Variants in TMEM132B observed in about 807,000 individuals in gnomAD.
TMEM132B encodes transmembrane protein 132B.
Under a neutral mutation model 90.8 loss-of-function variants are expected in TMEM132B, and 18 were observed. The ratio of observed to expected loss-of-function variants is 0.20; its 90% CI spans 0.14 to 0.29. TMEM132B has a LOEUF of 0.29. Among genes scored for constraint, TMEM132B ranks in the 10% least tolerant of loss-of-function variants. The pLI, the probability that TMEM132B is intolerant of heterozygous loss-of-function variation, is 1.00. For missense variants in TMEM132B, 1,096 were observed against 1,326.8 expected (o/e 0.83, Z 2.70); for synonymous variants, 504 against 523.3 (o/e 0.96, Z 0.50).
chr12:125,507,060 G>A (rs1442409181), intron 3 of TMEM132B, among the ~76,000 whole-genome samples: 1 of 152,214 alleles, frequency 6.6e-6, no homozygotes, highest in Non-Finnish European at 1.5e-5. Context: ...TAATGCAGAA[G>A]CCCATAGATG....
intron 1 of TMEM132B, among the ~76,000 whole-genome samples, chr12:125,295,179 A>G: frequency 6.6e-6 from 1 of 152,254 alleles, no homozygotes; most frequent in East Asian, 1.9e-4. Flanking sequence ...AAGGAAAAAA[A>G]GCTCATTAGT....
chr12:125,234,676 C>T (rs1873893444), intron 1 of TMEM132B, among the ~76,000 whole-genome samples: 1 of 152,158 alleles, frequency 6.6e-6, no homozygotes, highest in South Asian at 2.1e-4. Flanking sequence ...CGAGAGATGT[C>T]CTCTGTTCAA....
chr12:125,408,477 T>C lies in TMEM132B; in HGVS notation c.960-7054T>C, dbSNP rs964622174. 6.6e-6 allele frequency among the ~76,000 whole-genome samples: 1 copy of C among 152,196 alleles called. No individual in the cohort carries two copies. Among genetic ancestry groups the C allele is most frequent in the African/African-American group, 2.4e-5 (1 of 41,440 alleles). On this transcript the variant is annotated intron_variant, in intron 2 of 8. Transcript: ENST00000682704. This position sits in a 1 kb window ranked among gnomAD's most constrained non-coding sequence, Gnocchi z 5.9. Reference sequence around the variant, plus strand: ...GGACACAGCATGACAGCCGCATCTATAAAAAAGCAAGCTCTCACCCGGCAC... The same window carrying C: ...GGACACAGCATGACAGCCGCATCTACAAAAAAGCAAGCTCTCACCCGGCAC...
At chr12:125,639,293 C>T (rs1886568359) in intron 5 of TMEM132B, among the ~76,000 whole-genome samples, 2 of 152,236 alleles carry the variant, frequency 1.3e-5, no homozygotes. Flanking sequence ...TGTCTTCTCT[C>T]ATAATATATG....
chr12:125,527,986 A>T (rs1044478016), intron 4 of TMEM132B, among the ~76,000 whole-genome samples: 1 of 152,212 alleles, frequency 6.6e-6, no homozygotes, highest in African/African-American at 2.4e-5. Context: ...GATGGTCAAA[A>T]GCTTCAAAAA....
intron 1 of TMEM132B, among the ~76,000 whole-genome samples, chr12:125,307,597 T>A (rs1876006212): frequency 6.6e-6 from 1 of 151,814 alleles, no homozygotes; most frequent in Non-Finnish European, 1.5e-5. Flanking sequence ...TGTGTGAAAA[T>A]GAAAACATTA....
Position 125,345,790 on chromosome 12 carries a change from C to A in TMEM132B, c.68-3662C>A, listed in dbSNP as rs75837939. Among the ~76,000 whole-genome samples, 950 of 152,290 alleles carry A rather than the reference C, an allele frequency of 6.2e-3. 3 individuals carry two copies. The highest frequency in any genetic ancestry group is 0.01 in the Non-Finnish European group (698 of 68,028). On this transcript the variant is annotated intron_variant, in intron 1 of 8. Coordinates refer to ENST00000682704, the MANE Select transcript of TMEM132B (RefSeq NM_001366854.1). ...CTCATTTCCTGCTCTCAGGGCCCACCTCGTTCTGTCCAGTGGTAAATACCT... is the reference window on the plus strand; with the variant it reads ...CTCATTTCCTGCTCTCAGGGCCCACATCGTTCTGTCCAGTGGTAAATACCT...
At chr12:125,293,776 A>G (rs1875601623) in intron 1 of TMEM132B, among the ~76,000 whole-genome samples, 1 of 152,186 alleles carries the variant, frequency 6.6e-6, no homozygotes, top group Admixed American at 6.5e-5. Flanking sequence ...AACCTGTCAC[A>G]AAGTTTTGAC....
intron 3 of TMEM132B, among the ~76,000 whole-genome samples, chr12:125,478,033 A>T (rs1881934026): frequency 6.6e-6 from 1 of 152,240 alleles, no homozygotes; most frequent in Non-Finnish European, 1.5e-5. Context: ...CCTGATTGTT[A>T]GAAGGAAAAC....
At chr12:125,538,866 G>T (rs999130749) in intron 4 of TMEM132B, among the ~76,000 whole-genome samples, 1 of 152,112 alleles carries the variant, frequency 6.6e-6, no homozygotes, top group Non-Finnish European at 1.5e-5. Context: ...GAGTTACCCC[G>T]GATGCCTCTC....
intron 1 of TMEM132B, chr12:125,327,285 C>T (rs374961): frequency 0.67 from 102,627 of 152,296 alleles, 35,350 homozygotes; most frequent in East Asian, 0.81. Flanking sequence ...AAACTAAATA[C>T]GTCCCAAGCA....
intron 5 of TMEM132B, among the ~76,000 whole-genome samples, chr12:125,604,570 A>G (rs1381019945): frequency 1.3e-5 from 2 of 152,226 alleles, no homozygotes. Flanking sequence ...CTATGTAACA[A>G]ACCTGCACGT....
intron 1 of TMEM132B, among the ~76,000 whole-genome samples, chr12:125,297,965 C>A (rs1247819841): frequency 6.6e-6 from 1 of 152,174 alleles, no homozygotes; most frequent in African/African-American, 2.4e-5. Context: ...CTAAGAAATA[C>A]CTTTAGGCTT....
chr12:125,515,377 CCT>C (rs1377907735), intron 3 of TMEM132B, among the ~76,000 whole-genome samples: 10 of 126,360 alleles, frequency 7.9e-5, no homozygotes, highest in East Asian at 3.2e-4. Flanking sequence ...TTCACTCACA[CCT>C]CTTTCACACA....
intron 3 of TMEM132B, among the ~76,000 whole-genome samples, chr12:125,425,283 C>T (rs753238179): frequency 1.3e-5 from 2 of 152,166 alleles, no homozygotes; most frequent in Non-Finnish European, 2.9e-5. Flanking sequence ...TTCAATTATA[C>T]ATTTACAAAA....
intron 5 of TMEM132B, among the ~76,000 whole-genome samples, chr12:125,603,266 C>A (rs1313788427): frequency 6.6e-6 from 1 of 152,058 alleles, no homozygotes; most frequent in Non-Finnish European, 1.5e-5. Flanking sequence ...GTCATATAGA[C>A]CAATGGAGTA....
chr12:125,568,853 G>A (rs1211344770), intron 4 of TMEM132B, among the ~76,000 whole-genome samples: 2 of 152,128 alleles, frequency 1.3e-5, no homozygotes, highest in African/African-American at 2.4e-5. Context: ...TTACTATGAC[G>A]TGGTACAATT....
chr12:125,305,719 A>G (rs1390969073), intron 1 of TMEM132B, among the ~76,000 whole-genome samples: 1 of 152,142 alleles, frequency 6.6e-6, no homozygotes, highest in Admixed American at 6.5e-5. Context: ...GCTGTGATTT[A>G]TTATTGTTTT....
intron 2 of TMEM132B, among the ~76,000 whole-genome samples, chr12:125,373,262 G>A (rs1172186004): frequency 1.3e-5 from 2 of 152,220 alleles, no homozygotes; most frequent in Non-Finnish European, 2.9e-5. Flanking sequence ...CATGTGGCTT[G>A]ATGCCTGCCA....
Sources: allele counts gnomAD v4.1 joint callset (sites outside exome capture counted in the v4.1 genomes callset), GRCh38; gene constraint gnomAD v4.1.1; non-coding constraint Gnocchi (gnomAD v3.1); transcripts MANE v1.5; gene names NCBI Gene and HGNC (gene_info 2026-07-23, HGNC 2026-07-21).